The following PCDHAC2 variants were observed in gnomAD, a reference collection of about 807,000 sequenced individuals.
PCDHAC2 encodes the protein protocadherin alpha subfamily C, 2.
In PCDHAC2, 24 loss-of-function variants were observed where a neutral mutation model predicts 63.3. That is an observed-to-expected ratio of 0.38 (90% CI 0.27 to 0.53). The LOEUF is 0.53. Among genes scored for constraint, PCDHAC2 ranks in the 20% least tolerant of loss-of-function variants. The probability of loss-of-function intolerance (pLI) is 0.81; values close to 1 mark genes in which losing one functional copy is unlikely to be tolerated. For missense variants in PCDHAC2, 1,181 were observed against 1,275.2 expected, an observed-to-expected ratio of 0.93 and a Z score of 1.12; for synonymous variants, 569 against 529.4, an observed-to-expected ratio of 1.07 and a Z score of -1.03.
intron 1 of PCDHAC2, among the ~76,000 whole-genome samples, chr5:140,971,016 A>G (rs1554232958): frequency 6.6e-6 from 1 of 152,208 alleles, no homozygotes; most frequent in African/African-American, 2.4e-5. Flanking sequence ...AAGTCTTTAG[A>G]TCGTAGCATT....
chr5:141,003,588 T>C (rs558863784), intron 3 of PCDHAC2, among the ~76,000 whole-genome samples: 65 of 152,252 alleles, frequency 4.3e-4, no homozygotes, highest in African/African-American at 1.3e-3. Context: ...GCTGGGATTT[T>C]AGATGTGAGC....
chr5:140,969,257 A>G lies in PCDHAC2; in HGVS notation c.2491A>G (p.Asn831Asp). 1 of 1,614,220 alleles carries G rather than the reference A, an allele frequency of 6.2e-7. No homozygotes were observed. Among genetic ancestry groups the G allele is most frequent in the Non-Finnish European group, 8.5e-7 (1 of 1,180,034 alleles). ...CCAAGCAGCAGTGACTGACAGCAGG[A>G]ATCTCACAGGCCAAAGTGGTCAGAA... ...GAQAAVTDSR[N>D]LTGQSGQNAG... The change falls in exon 1 of 4, where the codon AAT becomes GAT. Residue 831 changes from asparagine (N) to aspartate (D), a missense_variant. Coordinates refer to ENST00000289269, the MANE Select transcript of PCDHAC2 (RefSeq NM_018899.6).
chr5:140,972,386 A>G (rs2096534472), intron 1 of PCDHAC2, among the ~76,000 whole-genome samples: 1 of 148,802 alleles, frequency 6.7e-6, no homozygotes, highest in African/African-American at 2.5e-5. Flanking sequence ...GTATTTGTTT[A>G]TTTGCTTCAC....
rs782328874 is a variant in PCDHAC2, at chr5:141,009,755, C to G, written c.2842C>G (p.Pro948Ala). The G allele has an allele frequency of 6.2e-7, 1 of 1,614,002 alleles. No homozygotes were observed. Among genetic ancestry groups the G allele is most frequent in the African/African-American group, 1.3e-5 (1 of 74,894 alleles). ...TGAGTTGCCCGACAAATTCATTATC[C>G]CAGGATCTCCTGCAATCATCTCCAT... ...PGELPDKFII[P>A]GSPAIISIRQ... Residue 948 changes from proline (P) to alanine (A), a missense_variant, in exon 4 of 4, where the codon CCA becomes GCA. Physicochemically the swap from Pro to Ala is conservative, Grantham distance 27. Coordinates refer to ENST00000289269, the MANE Select transcript of PCDHAC2 (RefSeq NM_018899.6).
At chr5:140,989,530 AG>A (rs1249109717) in intron 3 of PCDHAC2, among the ~76,000 whole-genome samples, 1 of 152,200 alleles carries the variant, frequency 6.6e-6, no homozygotes, top group Non-Finnish European at 1.5e-5. Context: ...CAGAGGAGGA[AG>A]ATAGTTTGTA....
Position 141,012,307 on chromosome 5 carries a change from T to G in PCDHAC2, c.*2370T>G, listed in dbSNP as rs369179929. ...CATTTTGAATTGGTGCTATTGGTAT[T>G]TCCTCTGTTATTGCTAATAAATGAA... On this transcript the variant is annotated 3_prime_UTR_variant, in exon 4 of 4. Transcript: ENST00000289269. 1 of 153,794 alleles carries G rather than the reference T, an allele frequency of 6.5e-6. No homozygotes were observed. The highest frequency in any genetic ancestry group is 1.5e-5 in the Non-Finnish European group (1 of 68,040). 9.5% of individuals were successfully genotyped at this position (153,794 alleles called of 1,614,324 possible).
intron 1 of PCDHAC2, among the ~76,000 whole-genome samples, chr5:140,976,780 A>G (rs2096731008): frequency 6.6e-6 from 1 of 152,224 alleles, no homozygotes; most frequent in Non-Finnish European, 1.5e-5. Context: ...CTCTGACTAT[A>G]TAGCTACGCT....
intron 3 of PCDHAC2, among the ~76,000 whole-genome samples, chr5:141,003,540 T>C (rs2098129225): frequency 6.6e-6 from 1 of 152,188 alleles, no homozygotes; most frequent in Non-Finnish European, 1.5e-5. Flanking sequence ...CTTGAACTCC[T>C]GGCTTCAAGT....
intron 3 of PCDHAC2, among the ~76,000 whole-genome samples, chr5:141,000,387 C>A (rs868946328): frequency 8.2e-4 from 55 of 66,860 alleles, no homozygotes; most frequent in African/African-American, 2.7e-3. Context: ...CTCTCTCTCT[C>A]TCTCTCTCTA....
At chr5:140,982,230 C>G (rs943404054) in intron 2 of PCDHAC2, 9 of 619,854 alleles carry the variant, frequency 1.5e-5, no homozygotes, top group Admixed American at 3.8e-5. Flanking sequence ...TAATAAAAAA[C>G]AGAATTGCCA....
intron 1 of PCDHAC2, among the ~76,000 whole-genome samples, chr5:140,971,368 G>A (rs1433220574): frequency 1.3e-5 from 2 of 152,186 alleles, no homozygotes; most frequent in Non-Finnish European, 2.9e-5. Context: ...TGCCAGGAGA[G>A]TGCATGACTT....
rs959323631 is a variant in PCDHAC2 at position 140,967,718 on chromosome 5, C to A, written c.952C>A (p.Arg318=). The A allele has an allele frequency of 8.7e-6, 14 of 1,614,106 alleles. 1 individual carries two copies. The South Asian group carries it at 1.5e-4, about 18-fold the overall frequency. ...CATAGATGCCAGTACCGGGGAAGTG[C>A]GAGTAATTGGGGGGCTGGATTATGA... ...FSIDASTGEV[R]VIGGLDYEEA... The change falls in exon 1 of 4, where the codon CGA becomes AGA. Residue 318 remains arginine (R), a synonymous_variant. Transcript: ENST00000289269.
At chr5:140,994,809 C>G (rs1366407347) in intron 3 of PCDHAC2, among the ~76,000 whole-genome samples, 1 of 152,016 alleles carries the variant, frequency 6.6e-6, no homozygotes, top group Non-Finnish European at 1.5e-5. Flanking sequence ...AAACAAAATA[C>G]AAAAAACTGA....
Position 140,968,094 on chromosome 5 carries a change from A to T in PCDHAC2, c.1328A>T (p.Asp443Val). 1 of 1,614,138 alleles carries T rather than the reference A, an allele frequency of 6.2e-7. No individual in the cohort carries two copies. The highest frequency in any genetic ancestry group is 8.5e-7 in the Non-Finnish European group (1 of 1,180,020). Residue 443 changes from aspartate (D) to valine (V), a missense_variant, in exon 1 of 4, where the codon GAT becomes GTT. Coordinates refer to ENST00000289269, the MANE Select transcript of PCDHAC2 (RefSeq NM_018899.6). ...TACAACATCACGGTGACAGCCACAG[A>T]TGGGGGAATACCGCAGCTCACATCC... is the stretch of plus-strand genomic sequence containing the variant. ...AVYNITVTAT[D>V]GGIPQLTSLR...
intron 3 of PCDHAC2, among the ~76,000 whole-genome samples, chr5:140,997,130 C>T (rs1480730795): frequency 6.6e-6 from 1 of 151,984 alleles, no homozygotes; most frequent in Non-Finnish European, 1.5e-5. Flanking sequence ...TACACAATGC[C>T]CCCACACCCC....
chr5:141,010,272 T>C lies in PCDHAC2; in HGVS notation c.*335T>C. On this transcript the variant is annotated 3_prime_UTR_variant, in exon 4 of 4. Coordinates refer to ENST00000289269, the MANE Select transcript of PCDHAC2 (RefSeq NM_018899.6). ...TCTCTGCCCTGTGCTCCGGGGATCC[T>C]GTCTTGATGACACTTGCAGGGCAGG... The C allele has an allele frequency of 6.4e-7, 1 of 1,551,508 alleles. No homozygotes were observed. Among genetic ancestry groups the C allele is most frequent in the Non-Finnish European group, 8.7e-7 (1 of 1,146,940 alleles).
At position 140,982,508 on chromosome 5, in the gene PCDHAC2, G is replaced by A. The variant is rs1586930589; in HGVS notation, c.2658G>A (p.Arg886=). The change falls in exon 3 of 4, where the codon CGG becomes CGA. Residue 886 remains arginine, a synonymous_variant. Transcript: ENST00000289269. The part of the protein sequence containing the change: ...SVHLEEAGIL[R]AGPGGPDQQW... The stretch of plus-strand genomic sequence containing the variant: ...ACCTAGAGGAGGCTGGCATTCTACG[G>A]GCTGGTCCAGGAGGGCCTGATCAGC... The A allele has an allele frequency of 6.2e-7, 1 of 1,614,154 alleles. No individual in the cohort carries two copies. Among genetic ancestry groups the A allele is most frequent in the Non-Finnish European group, 8.5e-7 (1 of 1,180,018 alleles).
chr5:140,979,391 T>C (rs1298274291), intron 2 of PCDHAC2, among the ~76,000 whole-genome samples: 1 of 152,202 alleles, frequency 6.6e-6, no homozygotes, highest in Non-Finnish European at 1.5e-5. Context: ...AATGTATACA[T>C]ACATGTTGTC....
At chr5:140,979,062 G>A in intron 2 of PCDHAC2, 55 bp downstream of exon 2, 1 of 1,604,568 alleles carries the variant, frequency 6.2e-7, no homozygotes, top group Non-Finnish European at 8.5e-7. Flanking sequence ...GTATGGCTCA[G>A]ATAAACTGCA....
Sources: allele counts gnomAD v4.1 joint callset (sites outside exome capture counted in the v4.1 genomes callset), GRCh38; gene constraint gnomAD v4.1.1; transcripts MANE v1.5; gene names NCBI Gene and HGNC (gene_info 2026-07-23, HGNC 2026-07-21).